Variants in EFCAB6 observed in about 807,000 individuals in gnomAD.
EFCAB6 encodes EF-hand calcium binding domain 6.
In EFCAB6, 156 loss-of-function variants were observed where a neutral mutation model predicts 169.8. The ratio of observed to expected loss-of-function variants is 0.92; its 90% CI spans 0.81 to 1.05. The LOEUF (loss-of-function observed/expected upper bound fraction) is 1.05. Ranked by LOEUF, EFCAB6 falls within the 50% of genes least tolerant of loss-of-function variation. The probability of loss-of-function intolerance (pLI) is 0.00; values close to 1 mark genes in which losing one functional copy is unlikely to be tolerated. For missense variants in EFCAB6, 1,800 were observed against 1,829.1 expected (o/e 0.98, Z 0.29); for synonymous variants, 698 against 676.4 (o/e 1.03, Z -0.50).
intron 4 of EFCAB6, among the ~76,000 whole-genome samples, chr22:43,770,930 A>G (rs2147962700): frequency 4.1e-4 from 1 of 2,428 alleles, no homozygotes; most frequent in African/African-American, 1.6e-3. Flanking sequence ...TTAAGTCAGA[A>G]AAAAAAAAGA....
At chr22:43,530,990 G>A (rs2047025285) in intron 30 of EFCAB6, 26 bp from the exon 31 acceptor site, 2 of 1,612,582 alleles carry the variant, frequency 1.2e-6, no homozygotes, top group Non-Finnish European at 1.7e-6. Context: ...GAAGGGGTGA[G>A]GAGGGAGCTT....
chr22:43,760,227 GAAA>G lies in EFCAB6; in HGVS notation c.441-4398_441-4396del, dbSNP rs869188953. Reference sequence around the variant, plus strand: ...TCAAAAAAAAAAAAAAAAGAAAAAAGAAAAAAAAAGAAAACAAATATAAGTATA... The same window carrying G: ...TCAAAAAAAAAAAAAAAAGAAAAAAGAAAAAAGAAAACAAATATAAGTATA... On this transcript the variant is annotated intron_variant, in intron 5 of 31. Transcript: ENST00000262726. 5.6e-5 allele frequency among the ~76,000 whole-genome samples: 5 copies of G among 90,074 alleles called. 1 individual carries two copies. The highest frequency in any genetic ancestry group is 7.9e-4 in the South Asian group (2 of 2,542). The allele number at this position is 90,074 out of a possible 152,430, so 59.1% of individuals were successfully genotyped here. A position where few individuals can be genotyped will look rare whatever the true frequency, so the allele number is the denominator to read the frequency against.
intron 5 of EFCAB6, among the ~76,000 whole-genome samples, chr22:43,756,168 T>A (rs561351292): frequency 3.3e-5 from 5 of 152,158 alleles, no homozygotes; most frequent in Admixed American, 3.3e-4. Context: ...GCTCTATGGA[T>A]TTGGGACCAT....
chr22:43,592,364 C>T (rs1039995091), intron 23 of EFCAB6, among the ~76,000 whole-genome samples: 1 of 152,134 alleles, frequency 6.6e-6, no homozygotes, highest in Non-Finnish European at 1.5e-5. Context: ...GAATTCAGTC[C>T]CATGTTGCAG....
chr22:43,793,701 A>C (rs1395084624), intron 2 of EFCAB6, among the ~76,000 whole-genome samples: 1 of 116,462 alleles, frequency 8.6e-6, no homozygotes, highest in African/African-American at 3.3e-5. Flanking sequence ...CTAGAGACTA[A>C]CACTACTCTG....
chr22:43,638,047 G>C (rs890201453), intron 17 of EFCAB6, among the ~76,000 whole-genome samples: 1 of 152,096 alleles, frequency 6.6e-6, no homozygotes, highest in Admixed American at 6.5e-5. Flanking sequence ...TCCAGCGGTC[G>C]CAGGAGCGTA....
chr22:43,550,996 A>T (rs1421887575), intron 27 of EFCAB6, among the ~76,000 whole-genome samples: 1 of 152,232 alleles, frequency 6.6e-6, no homozygotes, highest in East Asian at 1.9e-4. Context: ...TCGATAAGTC[A>T]AGAAAGCTGG....
intron 6 of EFCAB6, among the ~76,000 whole-genome samples, chr22:43,753,051 T>C (rs1231969447): frequency 6.6e-6 from 1 of 152,188 alleles, no homozygotes; most frequent in Non-Finnish European, 1.5e-5. Flanking sequence ...GAAAGGTACT[T>C]TAGAGTTGTC....
chr22:43,532,976 A>G (rs556580986), intron 30 of EFCAB6, among the ~76,000 whole-genome samples: 2 of 152,360 alleles, frequency 1.3e-5, no homozygotes, highest in South Asian at 2.1e-4. Flanking sequence ...GCGTAACTCA[A>G]TTCAACGTTA....
chr22:43,588,493 G>A (rs547179118), intron 24 of EFCAB6, among the ~76,000 whole-genome samples: 46 of 152,170 alleles, frequency 3.0e-4, no homozygotes, highest in Non-Finnish European at 5.7e-4. Flanking sequence ...AAATCTCAAA[G>A]AAGGACTGGG....
chr22:43,568,826 C>G (rs1219027016), intron 26 of EFCAB6, among the ~76,000 whole-genome samples: 1 of 152,176 alleles, frequency 6.6e-6, no homozygotes, highest in Non-Finnish European at 1.5e-5. Flanking sequence ...AAAACGATTA[C>G]GAGAAATTCT....
intron 21 of EFCAB6, among the ~76,000 whole-genome samples, chr22:43,613,271 C>T (rs1371700111): frequency 6.7e-6 from 1 of 150,174 alleles, no homozygotes; most frequent in Non-Finnish European, 1.5e-5. Flanking sequence ...ATATTCATAT[C>T]ATATATTTAT....
chr22:43,591,887 T>C (rs1213034760), intron 23 of EFCAB6, among the ~76,000 whole-genome samples: 1 of 152,216 alleles, frequency 6.6e-6, no homozygotes, highest in East Asian at 1.9e-4. Flanking sequence ...TGATCTATGG[T>C]GGACTGGCTG....
chr22:43,765,234 T>A, intron 5 of EFCAB6, 71 bp downstream of exon 5: 1 of 1,187,992 alleles, frequency 8.4e-7, no homozygotes, highest in Non-Finnish European at 1.2e-6. Flanking sequence ...TTAGTTCCAA[T>A]GGCTTCACGT....
intron 27 of EFCAB6, among the ~76,000 whole-genome samples, chr22:43,550,238 G>A (rs1417867265): frequency 6.6e-6 from 1 of 152,140 alleles, no homozygotes; most frequent in African/African-American, 2.4e-5. Flanking sequence ...CAGAGAGGCT[G>A]GGCACCTCCT....
At chr22:43,685,910 CTGAAG>C (rs2058177672) in intron 11 of EFCAB6, among the ~76,000 whole-genome samples, 1 of 152,108 alleles carries the variant, frequency 6.6e-6, no homozygotes, top group Non-Finnish European at 1.5e-5. Context: ...AAAGTGGCCT[CTGAAG>C]TGTTCTATTG....
chr22:43,758,953 T>C (rs2061053682), intron 5 of EFCAB6, among the ~76,000 whole-genome samples: 3 of 152,276 alleles, frequency 2.0e-5, no homozygotes, highest in African/African-American at 7.2e-5. Flanking sequence ...CTGGGTGCAG[T>C]GGCTCACGCC....
intron 13 of EFCAB6, among the ~76,000 whole-genome samples, chr22:43,677,772 G>T (rs1000421298): frequency 1.3e-5 from 2 of 152,014 alleles, no homozygotes; most frequent in African/African-American, 4.8e-5. Context: ...TCTCGTTCAG[G>T]GATGGGTTTT....
intron 27 of EFCAB6, chr22:43,552,806 T>TA (rs914159647): frequency 6.6e-6 from 1 of 152,280 alleles, no homozygotes; most frequent in East Asian, 1.9e-4. Flanking sequence ...TAGGTGAAAT[T>TA]AAAAAAATCT....
Sources: allele counts gnomAD v4.1 joint callset (sites outside exome capture counted in the v4.1 genomes callset), GRCh38; gene constraint gnomAD v4.1.1; transcripts MANE v1.5; gene names NCBI Gene and HGNC (gene_info 2026-07-23, HGNC 2026-07-21).